The following RABGAP1L variants were observed in gnomAD, a reference collection of about 807,000 sequenced individuals.
The protein encoded by RABGAP1L is rab GTPase-activating protein 1-like.
Under a neutral mutation model 137.7 loss-of-function variants are expected in RABGAP1L, and 63 were observed. The observed-to-expected ratio is 0.46, with a 90% CI of 0.37 to 0.56. The LOEUF (loss-of-function observed/expected upper bound fraction) is 0.56. Among genes scored for constraint, RABGAP1L ranks in the 20% least tolerant of loss-of-function variants. The pLI is 0.00. For synonymous variants in RABGAP1L, 431 were observed against 433.7 expected (o/e 0.99, Z 0.08); for missense variants, 1,095 against 1,244.0 (o/e 0.88, Z 1.80).
rs1408906694 is a variant in RABGAP1L at position 174,934,199 on chromosome 1, C to T, written c.2341-23258C>T. On this transcript the variant is annotated intron_variant, in intron 19 of 25. Transcript: ENST00000681986. ...CACCTCCTGGGTTCAAGCAATTCTC[C>T]TGCCTCAGCCTCCCAAGTAGCTGGG... Among the ~76,000 whole-genome samples, 3 of 152,190 alleles carry T rather than the reference C, an allele frequency of 2.0e-5. No homozygotes were observed. In the East Asian group the frequency reaches 5.9e-4, roughly 30 times the overall value.
At chr1:174,822,549 G>T (rs1472611508) in intron 19 of RABGAP1L, among the ~76,000 whole-genome samples, 1 of 152,164 alleles carries the variant, frequency 6.6e-6, no homozygotes, top group Admixed American at 6.5e-5. Flanking sequence ...TAGAACAGTG[G>T]TCTCCTACCA....
At chr1:174,699,709 T>G in intron 16 of RABGAP1L, 59 bp downstream of exon 16, 16 of 1,462,638 alleles carry the variant, frequency 1.1e-5, no homozygotes, top group Non-Finnish European at 1.5e-5. Flanking sequence ...AGAAAAAGCC[T>G]AATAGAGTTG....
At chr1:174,454,551 A>ATTT (rs202016873) in intron 13 of RABGAP1L, among the ~76,000 whole-genome samples, 39,011 of 132,612 alleles carry the variant, frequency 0.29, 6,639 homozygotes, top group African/African-American at 0.45. Flanking sequence ...TCACTGTAGG[A>ATTT]TTTTTTTTTT....
chr1:174,301,366 C>T (rs1677688667), intron 10 of RABGAP1L, among the ~76,000 whole-genome samples: 1 of 149,558 alleles, frequency 6.7e-6, no homozygotes, highest in Non-Finnish European at 1.5e-5. Context: ...ACACCGCCAT[C>T]TGGAATGGAT....
chr1:174,305,762 C>CAT lies in RABGAP1L; in HGVS notation c.1465+648_1465+649dup, dbSNP rs768595899. Among the ~76,000 whole-genome samples, 139 of 150,312 alleles carry CAT rather than the reference C, an allele frequency of 9.2e-4. 1 individual carries two copies. The South Asian group carries it at 0.018, about 19-fold the overall frequency. On this transcript the variant is annotated intron_variant, in intron 11 of 25. Coordinates refer to ENST00000681986, the MANE Select transcript of RABGAP1L (RefSeq NM_001366446.1). ...TTTATTTTTTCTATTTTATTCTTTGCATATATATATATATTTTTAATACTT... is the reference window on the plus strand; with the variant it reads ...TTTATTTTTTCTATTTTATTCTTTGCATATATATATATATATTTTTAATACTT...
intron 17 of RABGAP1L, among the ~76,000 whole-genome samples, chr1:174,719,654 G>A (rs958073752): frequency 2.0e-5 from 3 of 152,178 alleles, no homozygotes; most frequent in Non-Finnish European, 4.4e-5. Context: ...AAGACAAGAT[G>A]GAGTATTGAG....
At chr1:174,427,951 GTCAA>G (rs1652154453) in intron 13 of RABGAP1L, among the ~76,000 whole-genome samples, 1 of 152,212 alleles carries the variant, frequency 6.6e-6, no homozygotes, top group South Asian at 2.1e-4. Flanking sequence ...GTGTTGGTTA[GTCAA>G]TGGAATTGCT....
At chr1:174,934,511 G>T (rs759938514) in intron 19 of RABGAP1L, among the ~76,000 whole-genome samples, 30 of 152,122 alleles carry the variant, frequency 2.0e-4, no homozygotes, top group Non-Finnish European at 3.7e-4. Flanking sequence ...TCAAGGCCAG[G>T]CATGGTGGCT....
intron 13 of RABGAP1L, among the ~76,000 whole-genome samples, chr1:174,461,047 G>C (rs1205084291): frequency 2.0e-5 from 3 of 152,150 alleles, no homozygotes; most frequent in African/African-American, 7.2e-5. Flanking sequence ...AATTCTGTCA[G>C]TGCTGTTCTC....
intron 13 of RABGAP1L, among the ~76,000 whole-genome samples, chr1:174,554,080 C>T (rs569106626): frequency 3.3e-5 from 5 of 152,230 alleles, no homozygotes; most frequent in East Asian, 3.9e-4. Flanking sequence ...TAATGGCAAC[C>T]TCAATTCTGT....
chr1:174,906,297 G>A (rs537848987), intron 19 of RABGAP1L, among the ~76,000 whole-genome samples: 1 of 152,246 alleles, frequency 6.6e-6, no homozygotes, highest in Non-Finnish European at 1.5e-5. Flanking sequence ...GGGAATATAG[G>A]TGTGTCCACC....
intron 19 of RABGAP1L, among the ~76,000 whole-genome samples, chr1:174,955,873 G>T (rs1303996325): frequency 6.6e-6 from 1 of 152,122 alleles, no homozygotes; most frequent in East Asian, 1.9e-4. Flanking sequence ...CTTCAGCCCA[G>T]GAGTTTGAGA....
At chr1:174,869,335 C>T (rs971948417) in intron 19 of RABGAP1L, among the ~76,000 whole-genome samples, 5 of 152,116 alleles carry the variant, frequency 3.3e-5, no homozygotes, top group Admixed American at 3.3e-4. Context: ...GTGAGTGGAA[C>T]AGCATCCACC....
intron 21 of RABGAP1L, among the ~76,000 whole-genome samples, chr1:174,974,203 G>C (rs1341749387): frequency 1.3e-5 from 2 of 151,750 alleles, no homozygotes; most frequent in East Asian, 3.9e-4. Flanking sequence ...TGTTAGCCAG[G>C]ATGGCCTCGA....
chr1:174,685,814 G>T (rs1678417376), intron 15 of RABGAP1L, among the ~76,000 whole-genome samples: 1 of 152,134 alleles, frequency 6.6e-6, no homozygotes, highest in African/African-American at 2.4e-5. Context: ...GTCTGCCTTG[G>T]CCTCCTAAAG....
At chr1:174,871,354 G>A (rs951649341) in intron 19 of RABGAP1L, among the ~76,000 whole-genome samples, 5 of 151,820 alleles carry the variant, frequency 3.3e-5, no homozygotes, top group Non-Finnish European at 4.4e-5. Context: ...AGCTGGTCTC[G>A]AACTCCTGAC....
Position 174,832,795 on chromosome 1 carries a change from C to T in RABGAP1L, c.2340+20835C>T, listed in dbSNP as rs1309598629. Among the ~76,000 whole-genome samples, 7 of 152,328 alleles carry T rather than the reference C, an allele frequency of 4.6e-5. 2 individuals carry two copies. The highest frequency in any genetic ancestry group is 4.6e-4 in the Admixed American group (7 of 15,302). On this transcript the variant is annotated intron_variant, in intron 19 of 25. Transcript: ENST00000681986. ...AGCTTGCCACTCCTACATATTTTTC[C>T]CTTATGATTCTATGCTGTTTGCCAT... is the stretch of plus-strand genomic sequence containing the variant.
At chr1:174,433,556 C>G (rs1652891269) in intron 13 of RABGAP1L, among the ~76,000 whole-genome samples, 1 of 152,154 alleles carries the variant, frequency 6.6e-6, no homozygotes, top group South Asian at 2.1e-4. Context: ...CTAGGGCAGT[C>G]TCAAAGTGTT....
chr1:174,398,534 G>A (rs1295115401), intron 13 of RABGAP1L, among the ~76,000 whole-genome samples: 4 of 152,062 alleles, frequency 2.6e-5, no homozygotes, highest in African/African-American at 4.8e-5. Flanking sequence ...GAAATTTCAA[G>A]GGTTAAAAGG....
Sources: allele counts gnomAD v4.1 joint callset (sites outside exome capture counted in the v4.1 genomes callset), GRCh38; gene constraint gnomAD v4.1.1; transcripts MANE v1.5; gene names NCBI Gene and HGNC (gene_info 2026-07-23, HGNC 2026-07-21).